The following ATG5 variants were observed in gnomAD, a reference collection of about 807,000 sequenced individuals.
ATG5 encodes the protein autophagy related 5.
In ATG5, 14 loss-of-function variants were observed where a neutral mutation model predicts 36.5. The ratio of observed to expected loss-of-function variants is 0.38; its 90% CI spans 0.25 to 0.60. The LOEUF (loss-of-function observed/expected upper bound fraction) is 0.60, where lower values mean the gene tolerates loss of function less well. ATG5 is among the 20% of genes least tolerant of loss of function. The probability of loss-of-function intolerance (pLI) is 0.60; values close to 1 mark genes in which losing one functional copy is unlikely to be tolerated. For missense variants in ATG5, 195 were observed against 326.7 expected, an observed-to-expected ratio of 0.60 and a Z score of 3.11; for synonymous variants, 95 against 101.5, an observed-to-expected ratio of 0.94 and a Z score of 0.38.
At chr6:106,227,578 C>T (rs976270374) in intron 6 of ATG5, among the ~76,000 whole-genome samples, 1 of 151,584 alleles carries the variant, frequency 6.6e-6, no homozygotes, top group African/African-American at 2.4e-5. Flanking sequence ...CAGTGGAGAC[C>T]CTGTCTCTAT....
At chr6:106,305,802 T>C (rs918758765) in intron 3 of ATG5, among the ~76,000 whole-genome samples, 4 of 152,234 alleles carry the variant, frequency 2.6e-5, no homozygotes, top group Non-Finnish European at 4.4e-5. Flanking sequence ...AAATGCCAGA[T>C]ATTCTTATAT....
intron 3 of ATG5, among the ~76,000 whole-genome samples, chr6:106,297,717 A>ACACACAC: frequency 7.4e-6 from 1 of 135,452 alleles, no homozygotes; most frequent in Non-Finnish European, 1.6e-5. Flanking sequence ...AAATGACTTA[A>ACACACAC]ACACACACAC....
At chr6:106,321,530 T>C (rs1771071475) in intron 1 of ATG5, among the ~76,000 whole-genome samples, 1 of 152,118 alleles carries the variant, frequency 6.6e-6, no homozygotes, top group African/African-American at 2.4e-5. Flanking sequence ...AGCTAATTTT[T>C]TGTATTTTTA....
intron 6 of ATG5, among the ~76,000 whole-genome samples, chr6:106,207,526 C>T (rs562213119): frequency 1.3e-5 from 2 of 149,832 alleles, no homozygotes; most frequent in Admixed American, 1.3e-4. Context: ...CACAGAGAGA[C>T]CTCATCTCTT....
chr6:106,247,009 C>T (rs936270908), intron 6 of ATG5, among the ~76,000 whole-genome samples: 3 of 152,162 alleles, frequency 2.0e-5, no homozygotes, highest in African/African-American at 7.2e-5. Flanking sequence ...ACCTGCAACA[C>T]TAAATAAATA....
chr6:106,214,399 C>T (rs751171286), intron 6 of ATG5, among the ~76,000 whole-genome samples: 7 of 152,004 alleles, frequency 4.6e-5, no homozygotes, highest in Non-Finnish European at 1.0e-4. Context: ...TGAAAATAAG[C>T]ACTTTCTGTA....
At chr6:106,317,898 T>G (rs1393953100) in intron 1 of ATG5, among the ~76,000 whole-genome samples, 1 of 152,148 alleles carries the variant, frequency 6.6e-6, no homozygotes, top group Non-Finnish European at 1.5e-5. Flanking sequence ...AATAAGTAAA[T>G]CTAAAATTGA....
At chr6:106,243,197 G>T (rs1031289793) in intron 6 of ATG5, among the ~76,000 whole-genome samples, 3 of 152,034 alleles carry the variant, frequency 2.0e-5, no homozygotes, top group Non-Finnish European at 4.4e-5. Flanking sequence ...CCTCCCAAAA[G>T]AATTAAAATA....
chr6:106,211,171 T>C (rs1776837077), intron 6 of ATG5, among the ~76,000 whole-genome samples: 1 of 152,264 alleles, frequency 6.6e-6, no homozygotes, highest in African/African-American at 2.4e-5. Context: ...GGAGGAAGAA[T>C]GCCATCAGAG....
At chr6:106,281,067 G>A (rs1246291703) in intron 4 of ATG5, among the ~76,000 whole-genome samples, 2 of 152,090 alleles carry the variant, frequency 1.3e-5, no homozygotes, top group Non-Finnish European at 2.9e-5. Context: ...CCCTGTCATG[G>A]AGCCTTCATA....
At chr6:106,235,761 T>A (rs1330913589) in intron 6 of ATG5, among the ~76,000 whole-genome samples, 1 of 126,792 alleles carries the variant, frequency 7.9e-6, no homozygotes, top group African/African-American at 3.4e-5. Flanking sequence ...TTGGGTCCCC[T>A]CCCTTTGTAT....
chr6:106,281,575 CTTG>C (rs967086776), intron 4 of ATG5, among the ~76,000 whole-genome samples: 2 of 152,156 alleles, frequency 1.3e-5, no homozygotes, highest in Non-Finnish European at 2.9e-5. Context: ...TATCTAAAAA[CTTG>C]TTAATAGACA....
intron 6 of ATG5, among the ~76,000 whole-genome samples, chr6:106,234,121 T>C (rs903746543): frequency 3.1e-4 from 47 of 151,782 alleles, no homozygotes; most frequent in African/African-American, 1.1e-3. Context: ...CTGAGGGGGG[T>C]GGAGTTCAAG....
rs150851322 is a variant in ATG5 at position 106,315,867 on chromosome 6, A to C, written c.108+234T>G. Reference sequence around the variant, plus strand: ...AACATACCCACATACATGTAAGGAAAACAAAGTCCAGAACGCATCATGACA... The same window carrying C: ...AACATACCCACATACATGTAAGGAACACAAAGTCCAGAACGCATCATGACA... On this transcript the variant is annotated intron_variant, in intron 2 of 7. Coordinates refer to ENST00000369076, the MANE Select transcript of ATG5 (RefSeq NM_004849.4). 2.7e-3 allele frequency among the ~76,000 whole-genome samples: 418 copies of C among 152,336 alleles called. 1 individual carries two copies. Among genetic ancestry groups the C allele is most frequent in the African/African-American group, 9.4e-3 (390 of 41,580 alleles).
At chr6:106,187,418 G>C (rs1420136668) in intron 7 of ATG5, among the ~76,000 whole-genome samples, 2 of 151,756 alleles carry the variant, frequency 1.3e-5, no homozygotes, top group African/African-American at 4.8e-5. Flanking sequence ...TTGGTGTGTT[G>C]TACTGACAAC....
At chr6:106,299,014 C>A (rs992846790) in intron 3 of ATG5, among the ~76,000 whole-genome samples, 1 of 152,142 alleles carries the variant, frequency 6.6e-6, no homozygotes, top group Non-Finnish European at 1.5e-5. Flanking sequence ...ACCACATATA[C>A]CCTAAGTAAA....
intron 6 of ATG5, among the ~76,000 whole-genome samples, chr6:106,244,937 C>G (rs950859837): frequency 3.3e-5 from 5 of 152,222 alleles, no homozygotes; most frequent in Admixed American, 3.3e-4. Context: ...CTAAGGAATT[C>G]ACAGTCATTT....
At chr6:106,315,906 G>A (rs2114680123) in intron 2 of ATG5, among the ~76,000 whole-genome samples, 195 bp downstream of exon 2, 1 of 152,194 alleles carries the variant, frequency 6.6e-6, no homozygotes, top group South Asian at 2.1e-4. Flanking sequence ...TGCTGACAGT[G>A]GTTTTGTCCT....
intron 2 of ATG5, among the ~76,000 whole-genome samples, chr6:106,314,777 C>A (rs918291033): frequency 6.6e-6 from 1 of 151,778 alleles, no homozygotes; most frequent in Non-Finnish European, 1.5e-5. Context: ...AGAAAAAATA[C>A]CTCTAACAAA....
Sources: gnomAD v4.1 joint callset for allele counts (sites outside exome capture counted in the v4.1 genomes callset) on GRCh38, gnomAD v4.1.1 for gene constraint, MANE v1.5 for transcripts, NCBI Gene and HGNC (gene_info 2026-07-23, HGNC 2026-07-21) for gene names.